ZNF653: variants seen among roughly 807,000 people sequenced by gnomAD.
The protein encoded by ZNF653 is zinc finger protein 653, also known as 67 kDa zinc finger protein.
In ZNF653, 37 loss-of-function variants were observed where a neutral mutation model predicts 59.9. The ratio of observed to expected loss-of-function variants is 0.62; its 90% CI spans 0.48 to 0.81. The LOEUF is 0.81. Ranked by LOEUF, ZNF653 falls within the 40% of genes least tolerant of loss-of-function variation. The pLI is 0.00. For missense variants in ZNF653, 808 were observed against 881.1 expected (o/e 0.92, Z 1.05); for synonymous variants, 435 against 371.8 (o/e 1.17, Z -1.96).
chr19:11,505,586 C>A lies in ZNF653; in HGVS notation c.201G>T (p.Gly67=). 1 of 1,511,552 alleles carries A rather than the reference C, an allele frequency of 6.6e-7. No individual in the cohort carries two copies. The highest frequency in any genetic ancestry group is 8.8e-7 in the Non-Finnish European group (1 of 1,138,256). The allele number at this position is 1,511,552 out of a possible 1,614,324, so 93.6% of individuals were successfully genotyped here. The part of the protein sequence containing the change: ...VRRVYLGEAH[G]PWVDLRRRSG... ...TGCGGCGCCGCAGGTCCACCCAGGG[C>A]CCGTGCGCCTCGCCCAGGTACACGC... Residue 67 remains glycine (G), a synonymous_variant, in exon 1 of 9, where the codon GGG becomes GGT. Coordinates refer to ENST00000293771, the MANE Select transcript of ZNF653 (RefSeq NM_138783.4).
At position 11,483,872 on chromosome 19, in the gene ZNF653, C is replaced by G. The variant is rs1343337973; in HGVS notation, c.1671-13G>C. ...ACAGATCTCGCACCTGCCGGGAGCCCGTGGCGGGACGGGGCGGGGTCAGAG... is the reference window on the plus strand; with the variant it reads ...ACAGATCTCGCACCTGCCGGGAGCCGGTGGCGGGACGGGGCGGGGTCAGAG... On this transcript the variant is annotated splice_polypyrimidine_tract_variant and intron_variant, in intron 8 of 8. Coordinates refer to ENST00000293771, the MANE Select transcript of ZNF653 (RefSeq NM_138783.4). 1.1e-6 allele frequency: 1 copy of G among 948,414 alleles called. No homozygotes were observed. 58.7% of individuals were successfully genotyped at this position (948,414 alleles called of 1,614,324 possible). A position where few individuals can be genotyped will look rare whatever the true frequency, so the allele number is the denominator to read the frequency against.
chr19:11,487,313 C>A lies in ZNF653; in HGVS notation c.1150G>T (p.Ala384Ser). The change falls in exon 4 of 9, where the codon GCA (alanine) becomes TCA (serine). Residue 384 changes from alanine to serine, a missense_variant. Physicochemically the swap from Ala to Ser is moderately conservative, Grantham distance 99. Coordinates refer to ENST00000293771, the MANE Select transcript of ZNF653 (RefSeq NM_138783.4). This position sits in a 1 kb window ranked among gnomAD's most constrained non-coding sequence, Gnocchi z 5.1. ...AGACCTTTCTTGGTCTCGATGCCTG[C>A]TACTGCGGTGGCGTCCATGGTGCTA... ...QPSTMDATAV[A>S]GIETKKEKED... 1.2e-6 allele frequency: 2 copies of A among 1,610,482 alleles called. No individual in the cohort carries two copies. The highest frequency in any genetic ancestry group is 1.1e-5 in the South Asian group (1 of 91,008).
At position 11,505,774 on chromosome 19, in the gene ZNF653, C is replaced by T. The variant is rs761059213; in HGVS notation, c.13G>A (p.Ala5Thr). The T allele has an allele frequency of 1.6e-4, 232 of 1,407,748 alleles. No homozygotes were observed. The highest frequency in any genetic ancestry group is 1.8e-4 in the Non-Finnish European group (201 of 1,092,216). 87.2% of individuals were successfully genotyped at this position (1,407,748 alleles called of 1,614,324 possible). ...TCCGCCTCCGCCTCGGGCTCTAGCGCCCGCTCCGCCATCCCCCCCACCCTG... is the reference window on the plus strand; with the variant it reads ...TCCGCCTCCGCCTCGGGCTCTAGCGTCCGCTCCGCCATCCCCCCCACCCTG... MAER[A>T]LEPEAEAEAE... Residue 5 changes from alanine to threonine, a missense_variant, in exon 1 of 9, where the codon GCG becomes ACG. Coordinates refer to ENST00000293771, the MANE Select transcript of ZNF653 (RefSeq NM_138783.4).
At chr19:11,491,094 G>A (rs1971525337) in intron 3 of ZNF653, among the ~76,000 whole-genome samples, 1 of 152,184 alleles carries the variant, frequency 6.6e-6, no homozygotes, top group Non-Finnish European at 1.5e-5. Context: ...CCGGCCCCCT[G>A]CCAGGGCCAG....
intron 5 of ZNF653, 24 bp from the exon 6 acceptor site, chr19:11,486,904 T>A (rs1425776833): frequency 6.2e-7 from 1 of 1,611,054 alleles, no homozygotes; most frequent in Admixed American, 1.7e-5. Context: ...GGCCATGACA[T>A]CGGGGCTCCC....
At chr19:11,498,491 T>C in intron 1 of ZNF653, 152 bp from the exon 2 acceptor site, 1 of 1,070,160 alleles carries the variant, frequency 9.3e-7, no homozygotes, top group Non-Finnish European at 1.4e-6. Context: ...TTGCCCAGGC[T>C]AGAGTGCAGT....
At position 11,487,807 on chromosome 19, in the gene ZNF653, G is replaced by A. The variant is rs373230491; in HGVS notation, c.656C>T (p.Ala219Val). ...GGGCGTCGCTGCCGCTGCCGCTGCC[G>A]CAGCCTTGACCGGCTGGCCCTCAGG... ...ESPEGQPVKA[A>V]AAAAAATPTS... The change falls in exon 4 of 9, where the codon GCG becomes GTG. Residue 219 changes from alanine (A) to valine (V), a missense_variant. Coordinates refer to ENST00000293771, the MANE Select transcript of ZNF653 (RefSeq NM_138783.4). The surrounding 1 kb of genome is among the most constrained non-coding windows in gnomAD (Gnocchi z 5.1). The A allele has an allele frequency of 4.0e-5, 65 of 1,612,146 alleles. No homozygotes were observed. In the African/African-American group the frequency reaches 5.9e-4, roughly 15 times the overall value.
In ZNF653 at chr19:11,484,096, C is replaced by A. The variant is rs865994949; in HGVS notation, c.1616G>T (p.Arg539Met). Residue 539 changes from arginine (R) to methionine (M), a missense_variant, in exon 8 of 9, where the codon AGG becomes ATG. By Grantham distance (91) the Arg-to-Met change is moderately conservative. Coordinates refer to ENST00000293771, the MANE Select transcript of ZNF653 (RefSeq NM_138783.4). ...TCETCGKSFK[R>M]KNHLEVHRRT... Reference sequence around the variant, plus strand: ...CCGATGTACCTCCAGGTGGTTCTTCCTCTTGAAGGACTTGCCGCAGGTCTC... The same window carrying A: ...CCGATGTACCTCCAGGTGGTTCTTCATCTTGAAGGACTTGCCGCAGGTCTC... The A allele has an allele frequency of 6.4e-7, 1 of 1,559,070 alleles. No homozygotes were observed.
chr19:11,487,123 TCTC>T lies in ZNF653; in HGVS notation c.1204_1206del (p.Glu402del). ...AGCTCCGGGGCTACTGGCTCCTCCT[TCTC>T]CTCCTTCTTTAGCAAGCACAGGTCC... On this transcript the variant is annotated inframe_deletion, in exon 5 of 9. Transcript: ENST00000293771. This position sits in a 1 kb window ranked among gnomAD's most constrained non-coding sequence, Gnocchi z 5.1. 1.2e-6 allele frequency: 2 copies of T among 1,612,890 alleles called. No homozygotes were observed. Among genetic ancestry groups the T allele is most frequent in the East Asian group, 2.2e-5 (1 of 44,874 alleles).
rs1568391640 is a variant in ZNF653, at chr19:11,483,441, C to G, written c.*241G>C. 2.2e-6 allele frequency: 3 copies of G among 1,333,940 alleles called. No homozygotes were observed. Among genetic ancestry groups the G allele is most frequent in the East Asian group, 3.1e-5 (1 of 32,316 alleles). 82.6% of individuals were successfully genotyped at this position (1,333,940 alleles called of 1,614,324 possible). On this transcript the variant is annotated 3_prime_UTR_variant, in exon 9 of 9. Transcript: ENST00000293771. ...GGGGAAGGGCATCTCCTTTCTCGCT[C>G]TTTAATCTCACTCTGCTCTCTTGAC...
chr19:11,486,199 T>C (rs1412103446), intron 6 of ZNF653, among the ~76,000 whole-genome samples: 3 of 152,152 alleles, frequency 2.0e-5, no homozygotes, highest in Non-Finnish European at 2.9e-5. Flanking sequence ...GACCTCGTGA[T>C]CCGCCCACCT....
intron 1 of ZNF653, among the ~76,000 whole-genome samples, chr19:11,502,840 C>A (rs963863262): frequency 2.6e-5 from 4 of 152,050 alleles, no homozygotes; most frequent in Admixed American, 2.6e-4. Context: ...TCGAGACCAG[C>A]CTAGCCAACA....
chr19:11,498,039 CT>C (rs1971606344), intron 2 of ZNF653, among the ~76,000 whole-genome samples: 2 of 152,374 alleles, frequency 1.3e-5, no homozygotes, highest in South Asian at 4.1e-4. Flanking sequence ...TTGGCTCCCC[CT>C]GCCCTTAGGG....
chr19:11,504,619 T>A, intron 1 of ZNF653: 1 of 946,988 alleles, frequency 1.1e-6, no homozygotes, highest in Non-Finnish European at 1.3e-6. Context: ...TCTCAGAATC[T>A]CCCCCCAGAG....
At position 11,485,621 on chromosome 19, in the gene ZNF653, C is replaced by T. The variant is rs200662156; in HGVS notation, c.1570+35G>A. The T allele has an allele frequency of 1.1e-3, 1,651 of 1,561,298 alleles. 18 individuals are homozygous for T. In the South Asian group the frequency reaches 0.018, roughly 17 times the overall value. On this transcript the variant is annotated intron_variant, in intron 7 of 8. Coordinates refer to ENST00000293771, the MANE Select transcript of ZNF653 (RefSeq NM_138783.4). ...GCTCCCAGGCCCATGTCCCTGTGTC[C>T]CCCGCTCATGCTGCCAGCTGGCCCA...
At position 11,505,571 on chromosome 19, in the gene ZNF653, C is replaced by T. The variant is rs764365489; in HGVS notation, c.216G>A (p.Leu72=). 2 of 1,512,264 alleles carry T rather than the reference C, an allele frequency of 1.3e-6. No individual in the cohort carries two copies. The highest frequency in any genetic ancestry group is 1.2e-5 in the South Asian group (1 of 81,016). The allele number at this position is 1,512,264 out of a possible 1,614,324, so 93.7% of individuals were successfully genotyped here. Residue 72 remains leucine, a synonymous_variant, in exon 1 of 9, where the codon CTG becomes CTA. Transcript: ENST00000293771. The part of the protein sequence containing the change: ...LGEAHGPWVD[L]RRRSGWSDAK... ...CGTCGCTCCAGCCGCTGCGGCGCCGCAGGTCCACCCAGGGCCCGTGCGCCT... is the reference window on the plus strand; with the variant it reads ...CGTCGCTCCAGCCGCTGCGGCGCCGTAGGTCCACCCAGGGCCCGTGCGCCT...
chr19:11,503,931 T>C (rs1971673792), intron 1 of ZNF653, among the ~76,000 whole-genome samples: 1 of 151,788 alleles, frequency 6.6e-6, no homozygotes. Flanking sequence ...CAGGGAAACC[T>C]CTGTCTCTAC....
chr19:11,487,752 G>C lies in ZNF653; in HGVS notation c.711C>G (p.Ile237Met), dbSNP rs751742822. 6.2e-7 allele frequency: 1 copy of C among 1,613,156 alleles called. No homozygotes were observed. Among genetic ancestry groups the C allele is most frequent in the African/African-American group, 1.3e-5 (1 of 74,912 alleles). The change falls in exon 4 of 9, where the codon ATC (isoleucine) becomes ATG (methionine). Residue 237 changes from isoleucine to methionine, a missense_variant. Transcript: ENST00000293771. The surrounding 1 kb of genome is among the most constrained non-coding windows in gnomAD (Gnocchi z 5.1). ...AGGGAATGTGCACGCCCTCCTGAGT[G>C]ATGAGCCCGCTGCTGCCCACCGGGC... is the stretch of plus-strand genomic sequence containing the variant. ...PTSPVGSSGLITQEGVHIPFD... is the reference protein window; with the variant it reads ...PTSPVGSSGLMTQEGVHIPFD...
chr19:11,496,542 A>C, intron 2 of ZNF653, among the ~76,000 whole-genome samples: 1 of 152,090 alleles, frequency 6.6e-6, no homozygotes, highest in Non-Finnish European at 1.5e-5. Context: ...GCGCCTGTGA[A>C]TGCCCGAGTC....
Sources: gnomAD v4.1 joint callset for allele counts (sites outside exome capture counted in the v4.1 genomes callset) on GRCh38, gnomAD v4.1.1 for gene constraint, Gnocchi (gnomAD v3.1) non-coding constraint, MANE v1.5 for transcripts, NCBI Gene and HGNC (gene_info 2026-07-23, HGNC 2026-07-21) for gene names.